Variants in PRSS23 observed in about 807,000 individuals in gnomAD.
PRSS23 encodes protease, serine 23.
PRSS23 carries 25 observed loss-of-function variants against 34.7 expected under a neutral mutation model. The observed-to-expected ratio is 0.72, with a 90% CI of 0.53 to 1.01. The LOEUF is 1.01. PRSS23 is among the 50% of genes least tolerant of loss of function. The pLI is 0.00. For missense variants in PRSS23, 445 were observed against 475.6 expected, an observed-to-expected ratio of 0.94 and a Z score of 0.60; for synonymous variants, 176 against 186.6, an observed-to-expected ratio of 0.94 and a Z score of 0.46.
intron 2 of PRSS23, among the ~76,000 whole-genome samples, chr11:86,929,459 A>ATGGCGAAACCTCATCTCT (rs1949109038): frequency 1.3e-5 from 2 of 152,134 alleles, no homozygotes; most frequent in Non-Finnish European, 2.9e-5. Flanking sequence ...CCTGGCCAAC[A>ATGGCGAAACCTCATCTCT]TGGCGAAACC....
chr11:86,856,219 T>G (rs1948569876), intron 2 of PRSS23, among the ~76,000 whole-genome samples: 1 of 152,150 alleles, frequency 6.6e-6, no homozygotes, highest in African/African-American at 2.4e-5. Flanking sequence ...GACAATGCAT[T>G]TGAAGATAAT....
At chr11:86,843,396 G>A (rs1225714082) in intron 2 of PRSS23, among the ~76,000 whole-genome samples, 1 of 152,092 alleles carries the variant, frequency 6.6e-6, no homozygotes, top group Non-Finnish European at 1.5e-5. Flanking sequence ...AAAAGCAATG[G>A]CAACAAAAGC....
chr11:86,847,613 C>G (rs1256774745), intron 2 of PRSS23, among the ~76,000 whole-genome samples: 1 of 152,222 alleles, frequency 6.6e-6, no homozygotes, highest in African/African-American at 2.4e-5. Context: ...GGGCACCACA[C>G]CTTCCAAACC....
chr11:86,795,097 CT>C (rs774767451), intron 1 of PRSS23, among the ~76,000 whole-genome samples: 3 of 152,024 alleles, frequency 2.0e-5, no homozygotes, highest in Non-Finnish European at 4.4e-5. Context: ...TACATTTTTT[CT>C]TATAAAGTCT....
chr11:86,949,079 A>T (rs1334317424), intron 2 of PRSS23: 2 of 152,250 alleles, frequency 1.3e-5, no homozygotes, highest in Non-Finnish European at 2.9e-5. Flanking sequence ...TCTGGGGATC[A>T]ATTCTCATGC....
chr11:86,902,595 A>G (rs1380564805), intron 2 of PRSS23, among the ~76,000 whole-genome samples: 7 of 152,196 alleles, frequency 4.6e-5, no homozygotes. Flanking sequence ...ACATCTAGCT[A>G]TCAAACTACT....
intron 1 of PRSS23, among the ~76,000 whole-genome samples, chr11:86,794,528 T>C (rs1032915953): frequency 1.3e-5 from 2 of 152,228 alleles, no homozygotes; most frequent in African/African-American, 4.8e-5. Context: ...CTTTTTTTCC[T>C]ACCATATGTA....
intron 2 of PRSS23, chr11:86,935,057 T>C (rs1949152084): frequency 6.6e-6 from 1 of 152,246 alleles, no homozygotes; most frequent in African/African-American, 2.4e-5. Context: ...GCAATAAAGA[T>C]TGTGTGATTG....
chr11:86,814,363 A>AGAGGAG (rs34968040), downstream of PRSS23, among the ~76,000 whole-genome samples: 2 of 151,462 alleles, frequency 1.3e-5, no homozygotes, highest in East Asian at 2.0e-4. Flanking sequence ...AGAAGGAGGA[A>AGAGGAG]GAGGAGGAGG....
chr11:86,951,351 C>G, exon 3 of PRSS23: 1 of 1,613,716 alleles, frequency 6.2e-7, no homozygotes, highest in Non-Finnish European at 8.5e-7. Context: ...GAATCATCTG[C>G]AGAATACCGA....
chr11:86,864,579 C>T (rs988035427), intron 2 of PRSS23, among the ~76,000 whole-genome samples: 1 of 152,248 alleles, frequency 6.6e-6, no homozygotes, highest in Non-Finnish European at 1.5e-5. Flanking sequence ...CACCTCTCAT[C>T]ATCTGGCAAT....
At chr11:86,880,466 G>C (rs189650207) in intron 2 of PRSS23, among the ~76,000 whole-genome samples, 6 of 150,278 alleles carry the variant, frequency 4.0e-5, no homozygotes, top group African/African-American at 1.5e-4. Flanking sequence ...AAAATAAAAA[G>C]ATAAGCCAAA....
intron 2 of PRSS23, among the ~76,000 whole-genome samples, chr11:86,841,998 A>G (rs1312719295): frequency 6.6e-6 from 1 of 152,232 alleles, no homozygotes; most frequent in Non-Finnish European, 1.5e-5. Flanking sequence ...ATTTTAGACC[A>G]ATATTTCTAA....
chr11:86,863,773 C>G (rs1164938699), intron 2 of PRSS23, among the ~76,000 whole-genome samples: 1 of 142,968 alleles, frequency 7.0e-6, no homozygotes, highest in Admixed American at 6.9e-5. Flanking sequence ...TATTGACTTC[C>G]TAACGATTAA....
At chr11:86,878,219 C>T (rs77972144) in intron 2 of PRSS23, among the ~76,000 whole-genome samples, 2 of 149,166 alleles carry the variant, frequency 1.3e-5, no homozygotes, top group African/African-American at 2.5e-5. Flanking sequence ...CCTCTCCCTC[C>T]CCCTACCCCT....
intron 1 of PRSS23, among the ~76,000 whole-genome samples, chr11:86,820,819 T>C (rs550774035): frequency 1.6e-4 from 24 of 152,302 alleles, no homozygotes; most frequent in Admixed American, 9.8e-4. Context: ...ATTTTTTTTA[T>C]AGATGGGTAT....
intron 2 of PRSS23, among the ~76,000 whole-genome samples, chr11:86,944,449 C>A (rs1949227026): frequency 6.6e-6 from 1 of 151,994 alleles, no homozygotes; most frequent in African/African-American, 2.4e-5. Flanking sequence ...AAAAGAAAAC[C>A]CTGTATAAAA....
intron 2 of PRSS23, among the ~76,000 whole-genome samples, chr11:86,838,360 G>A (rs887105798): frequency 1.3e-5 from 2 of 152,180 alleles, no homozygotes; most frequent in Non-Finnish European, 2.9e-5. Flanking sequence ...CTTGCTCACT[G>A]TTAGCACAGC....
chr11:86,858,627 C>A (rs542484063), intron 2 of PRSS23, among the ~76,000 whole-genome samples: 198 of 151,642 alleles, frequency 1.3e-3, no homozygotes, highest in Non-Finnish European at 2.4e-3. Flanking sequence ...ATATTACTCC[C>A]AATATTGCAG....
Sources: allele counts gnomAD v4.1 joint callset (sites outside exome capture counted in the v4.1 genomes callset), GRCh38; gene constraint gnomAD v4.1.1; transcripts MANE v1.5; gene names NCBI Gene and HGNC (gene_info 2026-07-23, HGNC 2026-07-21).